Variants in UGGT2 observed in about 807,000 individuals in gnomAD.
UGGT2 encodes the protein UDP-glucose glycoprotein glucosyltransferase 2.
Under a neutral mutation model 192.1 loss-of-function variants are expected in UGGT2, and 180 were observed. That is an observed-to-expected ratio of 0.94 (90% CI 0.83 to 1.06). The LOEUF (loss-of-function observed/expected upper bound fraction) is 1.06. Among genes scored for constraint, UGGT2 ranks in the 50% least tolerant of loss-of-function variants. The probability of loss-of-function intolerance (pLI) is 0.00; values close to 1 mark genes in which losing one functional copy is unlikely to be tolerated. For missense variants in UGGT2, 1,849 were observed against 1,795.7 expected (o/e 1.03, Z -0.54); for synonymous variants, 580 against 591.0 (o/e 0.98, Z 0.27).
chr13:95,911,961 T>C (rs9670643), intron 20 of UGGT2, among the ~76,000 whole-genome samples: 152,299 of 152,300 alleles, frequency 1, 76,149 homozygotes, highest in Non-Finnish European at 1. Context: ...TAATCCATCA[T>C]ATAAACAGAA....
At chr13:95,994,394 C>A (rs996558220) in intron 7 of UGGT2, among the ~76,000 whole-genome samples, 1 of 151,548 alleles carries the variant, frequency 6.6e-6, no homozygotes, top group African/African-American at 2.4e-5. Context: ...TAAATATTAG[C>A]TAACATTATT....
intron 17 of UGGT2, among the ~76,000 whole-genome samples, chr13:95,934,747 G>C (rs551054600): frequency 1.3e-5 from 2 of 152,220 alleles, no homozygotes; most frequent in South Asian, 2.1e-4. Flanking sequence ...CAGCTCAAGC[G>C]ATCCTCTTGG....
intron 13 of UGGT2, 48 bp downstream of exon 13, chr13:95,949,287 C>G (rs1405793673): frequency 7.2e-7 from 1 of 1,382,700 alleles, no homozygotes; most frequent in East Asian, 2.7e-5. Context: ...AGAAAGAATG[C>G]TGATATCTTT....
At chr13:95,978,738 C>T (rs954473570) in intron 10 of UGGT2, among the ~76,000 whole-genome samples, 1 of 151,994 alleles carries the variant, frequency 6.6e-6, no homozygotes, top group African/African-American at 2.4e-5. Context: ...TCATTCTTTA[C>T]GATTAAAATT....
At chr13:95,995,962 C>A (rs1489755721) in intron 7 of UGGT2, 101 bp downstream of exon 7, 2 of 973,882 alleles carry the variant, frequency 2.1e-6, no homozygotes, top group Non-Finnish European at 3.2e-6. Flanking sequence ...GTACTTTCTA[C>A]ATAAAAGAAA....
intron 12 of UGGT2, among the ~76,000 whole-genome samples, chr13:95,952,245 C>G (rs1214907926): frequency 6.6e-6 from 1 of 151,808 alleles, no homozygotes; most frequent in East Asian, 1.9e-4. Context: ...AAAAAAGATA[C>G]GACGGCCCCA....
At chr13:96,013,520 A>G (rs762012468) in intron 4 of UGGT2, 39 bp from the exon 5 acceptor site, 1 of 1,394,988 alleles carries the variant, frequency 7.2e-7, no homozygotes, top group Non-Finnish European at 9.5e-7. Context: ...GAAAAAACTG[A>G]AAGTTAATGG....
chr13:95,918,138 G>C (rs1324925610), intron 20 of UGGT2, among the ~76,000 whole-genome samples: 4 of 152,174 alleles, frequency 2.6e-5, no homozygotes, highest in African/African-American at 9.7e-5. Flanking sequence ...ATAATTGGAA[G>C]TAAAACGTTC....
chr13:95,842,339 C>A (rs1427001596), intron 36 of UGGT2, among the ~76,000 whole-genome samples: 1 of 152,084 alleles, frequency 6.6e-6, no homozygotes, highest in Non-Finnish European at 1.5e-5. Context: ...ATATATAAAT[C>A]TATATACTTT....
intron 27 of UGGT2, among the ~76,000 whole-genome samples, chr13:95,882,055 C>T (rs1364271793): frequency 6.6e-6 from 1 of 151,956 alleles, no homozygotes; most frequent in African/African-American, 2.4e-5. Flanking sequence ...ATTACAGGCA[C>T]GTGTCACCAT....
At chr13:95,917,017 G>A (rs2048701153) in intron 20 of UGGT2, among the ~76,000 whole-genome samples, 1 of 152,088 alleles carries the variant, frequency 6.6e-6, no homozygotes, top group Admixed American at 6.6e-5. Flanking sequence ...AGCAGGAAAA[G>A]ACAACATTTA....
chr13:96,034,409 G>C (rs2052935873), intron 1 of UGGT2, among the ~76,000 whole-genome samples: 1 of 152,212 alleles, frequency 6.6e-6, no homozygotes, highest in Non-Finnish European at 1.5e-5. Context: ...GCACCTCTTT[G>C]CCTTGCTCAC....
chr13:95,940,366 CCTT>C (rs1467539541), intron 15 of UGGT2, among the ~76,000 whole-genome samples: 1 of 151,518 alleles, frequency 6.6e-6, no homozygotes, highest in African/African-American at 2.4e-5. Flanking sequence ...ATAATGATTA[CCTT>C]TTTTAATGTA....
At chr13:95,804,053 G>A (rs1442389386) in intron 38 of UGGT2, among the ~76,000 whole-genome samples, 1 of 152,092 alleles carries the variant, frequency 6.6e-6, no homozygotes, top group Non-Finnish European at 1.5e-5. Flanking sequence ...AGATCTGTTA[G>A]AAATTAAGAA....
chr13:95,930,889 T>A (rs1057027717), intron 17 of UGGT2, among the ~76,000 whole-genome samples: 2 of 152,058 alleles, frequency 1.3e-5, no homozygotes, highest in Non-Finnish European at 2.9e-5. Context: ...ACTTTTATGG[T>A]GAGTGTTACA....
intron 29 of UGGT2, among the ~76,000 whole-genome samples, chr13:95,869,522 T>C (rs1205702972): frequency 6.6e-6 from 1 of 152,194 alleles, no homozygotes; most frequent in African/African-American, 2.4e-5. Flanking sequence ...AAAGTGTTCC[T>C]ATTTCTCCAC....
At chr13:96,031,540 C>A (rs931351444) in intron 2 of UGGT2, among the ~76,000 whole-genome samples, 1 of 152,250 alleles carries the variant, frequency 6.6e-6, no homozygotes, top group South Asian at 2.1e-4. Context: ...TAGTCTCTGA[C>A]TCCTGGGCTC....
intron 26 of UGGT2, 94 bp downstream of exon 26, chr13:95,887,798 G>T: frequency 1.3e-6 from 1 of 743,278 alleles, no homozygotes; most frequent in South Asian, 1.8e-5. Flanking sequence ...ATCTTGTGAA[G>T]AAAAGAAAAA....
intron 17 of UGGT2, among the ~76,000 whole-genome samples, chr13:95,929,637 G>T (rs1423579614): frequency 6.6e-6 from 1 of 152,162 alleles, no homozygotes. Context: ...TTTAATGGGT[G>T]CGTAGTATTC....
Sources: gnomAD v4.1 joint callset for allele counts (sites outside exome capture counted in the v4.1 genomes callset) on GRCh38, gnomAD v4.1.1 for gene constraint, MANE v1.5 for transcripts, NCBI Gene and HGNC (gene_info 2026-07-23, HGNC 2026-07-21) for gene names.